Variants in IGSF21 observed in about 807,000 individuals in gnomAD.
The protein encoded by IGSF21 is immunoglobulin superfamily member 21.
In IGSF21, 28 loss-of-function variants were observed where a neutral mutation model predicts 46.8. The observed-to-expected ratio is 0.60, with a 90% confidence interval of 0.44 to 0.82. The LOEUF (loss-of-function observed/expected upper bound fraction) is 0.82. Among genes scored for constraint, IGSF21 ranks in the 40% least tolerant of loss-of-function variants. The pLI is 0.00. For synonymous variants in IGSF21, 284 were observed against 273.6 expected (o/e 1.04, Z -0.38); for missense variants, 624 against 665.5 (o/e 0.94, Z 0.69).
At chr1:18,376,144 T>G in intron 6 of IGSF21, 166 bp from the exon 7 acceptor site, 3 of 674,600 alleles carry the variant, frequency 4.4e-6, no homozygotes, top group Non-Finnish European at 8.3e-6. Flanking sequence ...GGAATATGTC[T>G]GAATGAATGC....
intron 6 of IGSF21, among the ~76,000 whole-genome samples, chr1:18,366,448 A>G (rs1397310608): frequency 1.3e-5 from 2 of 152,042 alleles, no homozygotes; most frequent in Non-Finnish European, 2.9e-5. Flanking sequence ...TGGCATGCTC[A>G]GGGGAGTTTT....
chr1:18,187,756 T>C (rs1158174943), intron 1 of IGSF21, among the ~76,000 whole-genome samples: 1 of 151,992 alleles, frequency 6.6e-6, no homozygotes, highest in Non-Finnish European at 1.5e-5. Flanking sequence ...CATTAGGGAT[T>C]AGGGCTAGGG....
At chr1:18,327,494 T>C (rs1209804896) in intron 3 of IGSF21, among the ~76,000 whole-genome samples, 1 of 152,066 alleles carries the variant, frequency 6.6e-6, no homozygotes, top group Non-Finnish European at 1.5e-5. Context: ...GCCATCCAGG[T>C]GTCCATCAAC....
At chr1:18,146,095 GA>G (rs1444585615) in intron 1 of IGSF21, among the ~76,000 whole-genome samples, 1 of 152,104 alleles carries the variant, frequency 6.6e-6, no homozygotes, top group Non-Finnish European at 1.5e-5. Context: ...CCATCTAAAG[GA>G]GAGAAAAAGG....
chr1:18,359,395 G>GAA (rs1557659688), intron 4 of IGSF21, among the ~76,000 whole-genome samples: 1 of 78,690 alleles, frequency 1.3e-5, no homozygotes. Flanking sequence ...AGGAAGGAAG[G>GAA]AAGGAAGGAA....
At chr1:18,182,174 T>TTA (rs2086863614) in intron 1 of IGSF21, among the ~76,000 whole-genome samples, 1 of 17,808 alleles carries the variant, frequency 5.6e-5, no homozygotes. Context: ...GAAAGGTGTC[T>TTA]TTTTTTTTTT....
rs146582598 is a variant in IGSF21 at position 18,302,578 on chromosome 1, C to T, written c.305+10591C>T. Among the ~76,000 whole-genome samples, 220 of 152,210 alleles carry T rather than the reference C, an allele frequency of 1.4e-3. 2 individuals are homozygous for T. The highest frequency in any genetic ancestry group is 4.4e-3 in the African/African-American group (182 of 41,512). ...CTTTCCAAGAGCCCACTTCCTATTG[C>T]GGTGCCCTTTTCCTGCCATCCTGTG... On this transcript the variant is annotated intron_variant, in intron 3 of 9. Coordinates refer to ENST00000251296, the MANE Select transcript of IGSF21 (RefSeq NM_032880.5).
chr1:18,287,640 C>A (rs2124561883), intron 2 of IGSF21, among the ~76,000 whole-genome samples: 1 of 152,282 alleles, frequency 6.6e-6, no homozygotes, highest in African/African-American at 2.4e-5. Context: ...TCGGCCCTGG[C>A]CTCGTGGTCC....
chr1:18,227,000 G>A (rs1322951173), intron 1 of IGSF21, among the ~76,000 whole-genome samples: 3 of 152,208 alleles, frequency 2.0e-5, no homozygotes, highest in Admixed American at 6.5e-5. Context: ...AGAGAGCAGT[G>A]TCCCCAAGGT....
chr1:18,298,901 C>T (rs59692550), intron 3 of IGSF21, among the ~76,000 whole-genome samples: 5,645 of 152,208 alleles, frequency 0.037, 368 homozygotes, highest in African/African-American at 0.13. Context: ...CTCAGTAACC[C>T]CAGGACCTAC....
chr1:18,259,227 C>T (rs2084918769), intron 2 of IGSF21, among the ~76,000 whole-genome samples: 1 of 152,170 alleles, frequency 6.6e-6, no homozygotes. Flanking sequence ...CTTGGGTTTG[C>T]ATCTTGATTC....
chr1:18,278,820 T>G (rs746905872), intron 2 of IGSF21: 3 of 470,848 alleles, frequency 6.4e-6, no homozygotes, highest in African/African-American at 4.0e-5. Flanking sequence ...CCTCCAAAAG[T>G]GCTGGGATTA....
chr1:18,113,250 C>T (rs1183670157), intron 1 of IGSF21: 1 of 152,058 alleles, frequency 6.6e-6, no homozygotes, highest in African/African-American at 2.4e-5. Context: ...GATGAAATTC[C>T]AGGGAAGATT....
intron 1 of IGSF21, among the ~76,000 whole-genome samples, chr1:18,165,570 G>T (rs2086670539): frequency 6.6e-6 from 1 of 152,184 alleles, no homozygotes; most frequent in Non-Finnish European, 1.5e-5. Context: ...ACACTTCTCA[G>T]CCTGTAAAGA....
At chr1:18,148,478 T>G (rs1280155801) in intron 1 of IGSF21, among the ~76,000 whole-genome samples, 1 of 152,182 alleles carries the variant, frequency 6.6e-6, no homozygotes, top group Non-Finnish European at 1.5e-5. Context: ...AATACAACAC[T>G]GAAGCCCGGA....
chr1:18,324,511 C>G lies in IGSF21; in HGVS notation c.306-10381C>G, dbSNP rs568948329. Among the ~76,000 whole-genome samples the G allele has an allele frequency of 3.3e-5, 5 of 152,298 alleles. No individual in the cohort carries two copies. In the East Asian group the frequency reaches 9.7e-4, roughly 30 times the overall value. ...GACGGATCACCTGGTCCAGGTGGCC[C>G]GGCCGCTTCTTCCCAGATCTGCTGC... is the stretch of plus-strand genomic sequence containing the variant. On this transcript the variant is annotated intron_variant, in intron 3 of 9. Transcript: ENST00000251296.
At chr1:18,344,225 G>A (rs1486865561) in intron 4 of IGSF21, among the ~76,000 whole-genome samples, 1 of 152,190 alleles carries the variant, frequency 6.6e-6, no homozygotes, top group East Asian at 1.9e-4. Flanking sequence ...CTGGAGTGCA[G>A]TGGTGCAACC....
intron 1 of IGSF21, among the ~76,000 whole-genome samples, chr1:18,221,771 A>G (rs1315388470): frequency 6.6e-6 from 1 of 152,130 alleles, no homozygotes; most frequent in Non-Finnish European, 1.5e-5. Context: ...GGCAAATTTA[A>G]TGCCCTGAAA....
Position 18,255,696 on chromosome 1 carries a change from C to A in IGSF21, c.183+27686C>A, listed in dbSNP as rs566345588. ...CACACACATTGAGAGTCATCCTCAA[C>A]CCCCCTTCCTACTGTTTCCCCATAC... On this transcript the variant is annotated intron_variant, in intron 2 of 9. Transcript: ENST00000251296. Among the ~76,000 whole-genome samples the A allele has an allele frequency of 1.6e-4, 24 of 152,258 alleles. No homozygotes were observed. In the South Asian group the frequency reaches 4.4e-3, roughly 28 times the overall value.
Sources: allele counts gnomAD v4.1 joint callset (sites outside exome capture counted in the v4.1 genomes callset), GRCh38; gene constraint gnomAD v4.1.1; transcripts MANE v1.5; gene names NCBI Gene and HGNC (gene_info 2026-07-23, HGNC 2026-07-21).